SPATA13: variants seen among roughly 807,000 people sequenced by gnomAD.
The protein encoded by SPATA13 is spermatogenesis associated 13, also known as spermatogenesis-associated protein 13.
Under a neutral mutation model 104.0 loss-of-function variants are expected in SPATA13, and 50 were observed. The observed-to-expected ratio is 0.48, with a 90% CI of 0.38 to 0.61. SPATA13 has a LOEUF of 0.61. SPATA13 is among the 20% of genes least tolerant of loss of function. The probability of loss-of-function intolerance (pLI) is 0.00; values close to 1 mark genes in which losing one functional copy is unlikely to be tolerated. For synonymous variants in SPATA13, 606 were observed against 667.5 expected, an observed-to-expected ratio of 0.91 and a Z score of 1.42; for missense variants, 1,524 against 1,690.6, an observed-to-expected ratio of 0.90 and a Z score of 1.73.
chr13:24,283,439 A>G (rs1259732983), intron 4 of SPATA13, among the ~76,000 whole-genome samples: 1 of 152,250 alleles, frequency 6.6e-6, no homozygotes, highest in East Asian at 1.9e-4. Context: ...AGGAGGACTG[A>G]GGCCATGAGT....
chr13:24,123,353 A>G, intron 3 of SPATA13: 3 of 1,311,488 alleles, frequency 2.3e-6, no homozygotes, highest in Middle Eastern at 2.2e-4. Flanking sequence ...CTTCACAGAA[A>G]TAGTGAATTA....
intron 3 of SPATA13, among the ~76,000 whole-genome samples, chr13:24,104,239 G>GTTTT (rs113835456): frequency 6.9e-6 from 1 of 144,558 alleles, no homozygotes; most frequent in African/African-American, 2.5e-5. Flanking sequence ...GCTAGAATGG[G>GTTTT]TTTTTTTTTT....
intron 3 of SPATA13, among the ~76,000 whole-genome samples, chr13:24,060,731 G>A (rs532862037): frequency 9.2e-5 from 14 of 152,268 alleles, no homozygotes; most frequent in African/African-American, 3.1e-4. Context: ...AGGAACTTAA[G>A]CAAATTTAGA....
intron 9 of SPATA13, among the ~76,000 whole-genome samples, chr13:24,293,904 T>G (rs1156290801): frequency 6.6e-6 from 1 of 152,226 alleles, no homozygotes; most frequent in Non-Finnish European, 1.5e-5. Context: ...AGGAGGATTC[T>G]AATTCATTCC....
At chr13:24,150,000 G>GT (rs1220626489) in intron 3 of SPATA13, among the ~76,000 whole-genome samples, 1 of 152,058 alleles carries the variant, frequency 6.6e-6, no homozygotes, top group Admixed American at 6.5e-5. Context: ...AAGGGAGAGT[G>GT]TGGGGCATGG....
At chr13:24,245,984 G>A (rs1260415968) in intron 2 of SPATA13, among the ~76,000 whole-genome samples, 1 of 152,146 alleles carries the variant, frequency 6.6e-6, no homozygotes, top group Admixed American at 6.5e-5. Flanking sequence ...CTACTGACCT[G>A]CTTGGAGCTC....
rs1882477497 is a variant in SPATA13 at position 24,161,303 on chromosome 13, G to T, written c.-112+371G>T. On this transcript the variant is annotated intron_variant, in intron 1 of 12. Coordinates refer to ENST00000382108, the MANE Select transcript of SPATA13 (RefSeq NM_001166271.3). This position sits in a 1 kb window ranked among gnomAD's most constrained non-coding sequence, Gnocchi z 4.5. ...CCTGGCCTACAGGGGCGGCCGTGGG[G>T]GTGGCAGAGTCTGGGGAGCCTGGCG... 1.3e-5 allele frequency among the ~76,000 whole-genome samples: 2 copies of T among 152,232 alleles called. No homozygotes were observed. The highest frequency in any genetic ancestry group is 4.8e-5 in the African/African-American group (2 of 41,464).
At chr13:24,179,702 C>T (rs1166820426) in intron 1 of SPATA13, among the ~76,000 whole-genome samples, 1 of 152,198 alleles carries the variant, frequency 6.6e-6, no homozygotes, top group Non-Finnish European at 1.5e-5. Context: ...TTCTAGCCAG[C>T]TTAACTAATG....
rs548438640 is a variant in SPATA13 at position 24,121,970 on chromosome 13, G to C, written c.-111-100849G>C. On this transcript the variant is annotated intron_variant, in intron 3 of 14. Coordinates refer to the SPATA13 transcript ENST00000424834. The stretch of plus-strand genomic sequence containing the variant: ...TCTTTTGTCCATCTATTCATCATTA[G>C]TTTAGAGTAGATAACATGAACCACT... 3.6e-6 allele frequency: 3 copies of C among 838,494 alleles called. No individual in the cohort carries two copies. The Admixed American group carries it at 5.4e-5, about 15-fold the overall frequency. 51.9% of individuals were successfully genotyped at this position (838,494 alleles called of 1,614,324 possible).
At chr13:24,186,980 T>A (rs964473743) in intron 1 of SPATA13, among the ~76,000 whole-genome samples, 1 of 152,202 alleles carries the variant, frequency 6.6e-6, no homozygotes, top group African/African-American at 2.4e-5. Flanking sequence ...AGGTGTTGAT[T>A]TATGCAAACT....
At chr13:24,266,128 A>G (rs1213138599) in intron 4 of SPATA13, among the ~76,000 whole-genome samples, 1 of 152,190 alleles carries the variant, frequency 6.6e-6, no homozygotes, top group East Asian at 1.9e-4. Flanking sequence ...AGATACTGCT[A>G]TTAACTTGCC....
intron 11 of SPATA13, 148 bp from the exon 12 acceptor site, chr13:24,300,253 T>A (rs1359372953): frequency 1.6e-6 from 1 of 614,446 alleles, no homozygotes; most frequent in East Asian, 2.9e-5. Context: ...TTTTCTGATC[T>A]TCAACCTGTC....
chr13:24,249,441 G>A (rs1873348167), intron 2 of SPATA13, 36 bp from the exon 3 acceptor site: 27 of 1,477,894 alleles, frequency 1.8e-5, no homozygotes, highest in Non-Finnish European at 2.3e-5. Flanking sequence ...TACCTTCCTG[G>A]ATATTGAGCT....
chr13:24,031,807 G>A (rs747394090), intron 3 of SPATA13, among the ~76,000 whole-genome samples: 2 of 152,108 alleles, frequency 1.3e-5, no homozygotes, highest in African/African-American at 2.4e-5. Context: ...TAATTTCAGA[G>A]CAGTGGATAT....
intron 3 of SPATA13, among the ~76,000 whole-genome samples, chr13:24,251,293 A>T (rs1873464034): frequency 6.6e-6 from 1 of 152,184 alleles, no homozygotes; most frequent in Non-Finnish European, 1.5e-5. Flanking sequence ...GGATGTGAGG[A>T]TCACAGATGG....
Position 24,223,040 on chromosome 13 carries a change from A to G in SPATA13, c.111A>G (p.Lys37=). ...PAAPCAGSDL[K]DAKMVTSLAC... ...CCCCCTGTGCAGGCTCGGACCTGAAAGACGCCAAGATGGTGACCTCCCTTG... is the reference window on the plus strand; with the variant it reads ...CCCCCTGTGCAGGCTCGGACCTGAAGGACGCCAAGATGGTGACCTCCCTTG... Residue 37 remains lysine, a synonymous_variant, in exon 2 of 13, where the codon AAA becomes AAG. Transcript: ENST00000382108. 1 of 1,551,704 alleles carries G rather than the reference A, an allele frequency of 6.4e-7. No homozygotes were observed. The highest frequency in any genetic ancestry group is 8.7e-7 in the Non-Finnish European group (1 of 1,146,982).
chr13:24,128,712 C>T (rs1408207602), intron 3 of SPATA13, among the ~76,000 whole-genome samples: 1 of 133,218 alleles, frequency 7.5e-6, no homozygotes, highest in Admixed American at 8.2e-5. Flanking sequence ...AGAATTTAAA[C>T]ATAAAAAAAG....
At chr13:24,156,756 A>T (rs1882268389), upstream of SPATA13, among the ~76,000 whole-genome samples, 1 of 152,116 alleles carries the variant, frequency 6.6e-6, no homozygotes. Context: ...TATTACACTT[A>T]ATTTTCACCA....
intron 2 of SPATA13, among the ~76,000 whole-genome samples, chr13:24,001,932 A>G (rs565414966): frequency 6.6e-6 from 1 of 151,930 alleles, no homozygotes; most frequent in Non-Finnish European, 1.5e-5. Context: ...TAAAGGGGAC[A>G]TGGGAGGTGA....
Sources: gnomAD v4.1 joint callset for allele counts (sites outside exome capture counted in the v4.1 genomes callset) on GRCh38, gnomAD v4.1.1 for gene constraint, Gnocchi (gnomAD v3.1) non-coding constraint, MANE v1.5 for transcripts, NCBI Gene and HGNC (gene_info 2026-07-23, HGNC 2026-07-21) for gene names.